Variants in USO1 observed in about 807,000 individuals in gnomAD.
USO1 encodes the protein USO1 vesicle transport factor.
In USO1, 57 loss-of-function variants were observed where a neutral mutation model predicts 124.5. The observed-to-expected ratio is 0.46, with a 90% confidence interval of 0.37 to 0.57. USO1 has a LOEUF of 0.57. Ranked by LOEUF, USO1 falls within the 20% of genes least tolerant of loss-of-function variation. The pLI, the probability that USO1 is intolerant of heterozygous loss-of-function variation, is 0.00. For synonymous variants in USO1, 369 were observed against 362.8 expected (o/e 1.02, Z -0.19); for missense variants, 900 against 1,040.6 (o/e 0.86, Z 1.86).
intron 4 of USO1, among the ~76,000 whole-genome samples, chr4:75,768,568 A>G (rs1268818430): frequency 1.3e-5 from 2 of 152,214 alleles, no homozygotes; most frequent in African/African-American, 4.8e-5. Context: ...ATAGACAAAC[A>G]TGTCATCTGT....
intron 14 of USO1, 84 bp downstream of exon 14, chr4:75,799,816 C>G (rs1428255598): frequency 1.4e-6 from 2 of 1,480,342 alleles, no homozygotes; most frequent in Non-Finnish European, 1.8e-6. Context: ...GTTCTATGCC[C>G]AAAATATTTG....
chr4:75,778,239 A>G (rs1386288535), intron 8 of USO1, among the ~76,000 whole-genome samples: 1 of 152,208 alleles, frequency 6.6e-6, no homozygotes, highest in Admixed American at 6.5e-5. Flanking sequence ...CCTTACCAAT[A>G]ACATAAGCAG....
At chr4:75,767,334 C>G (rs1178630737) in intron 4 of USO1, among the ~76,000 whole-genome samples, 2 of 152,172 alleles carry the variant, frequency 1.3e-5, no homozygotes, top group Admixed American at 6.6e-5. Flanking sequence ...TTAGATACCC[C>G]CTAACACATA....
intron 4 of USO1, among the ~76,000 whole-genome samples, chr4:75,758,536 C>G (rs1207315436): frequency 6.6e-6 from 1 of 152,148 alleles, no homozygotes; most frequent in African/African-American, 2.4e-5. Context: ...ACATCTGAAA[C>G]TGGATCATGT....
chr4:75,813,411 A>T lies in USO1; in HGVS notation c.*116A>T. 8.9e-7 allele frequency: 1 copy of T among 1,119,960 alleles called. No homozygotes were observed. Among genetic ancestry groups the T allele is most frequent in the East Asian group, 3.1e-5 (1 of 32,698 alleles). 69.4% of individuals were successfully genotyped at this position (1,119,960 alleles called of 1,614,324 possible). ...AGAAACCAGGTGGAAAACATTCACT[A>T]TTAAGACTATTGATATATTTTTGTA... On this transcript the variant is annotated 3_prime_UTR_variant, in exon 24 of 24. Coordinates refer to ENST00000514213, the MANE Select transcript of USO1 (RefSeq NM_003715.4).
At position 75,800,356 on chromosome 4, in the gene USO1, A is replaced by C; in HGVS notation, c.1569A>C (p.Thr523=). ...LHNSANVPFL[T]GQIAENLGEE... Reference sequence around the variant, plus strand: ...CTCCTTAACAAAGATTTCAGCTTACAGGACAAATTGCAGAAAATCTTGGAG... The same window carrying C: ...CTCCTTAACAAAGATTTCAGCTTACCGGACAAATTGCAGAAAATCTTGGAG... The change falls in exon 15 of 24, where the codon ACA becomes ACC. Residue 523 remains threonine (T), a synonymous_variant. Transcript: ENST00000514213. The C allele has an allele frequency of 1.3e-6, 2 of 1,586,950 alleles. No homozygotes were observed. The highest frequency in any genetic ancestry group is 1.7e-6 in the Non-Finnish European group (2 of 1,166,306).
chr4:75,792,935 T>C (rs911140579), intron 12 of USO1, among the ~76,000 whole-genome samples: 3 of 152,184 alleles, frequency 2.0e-5, no homozygotes, highest in African/African-American at 7.2e-5. Flanking sequence ...TTTTACCTTC[T>C]ACCATTGATG....
rs556010374 is a variant in USO1, at chr4:75,760,487, C to T, written c.295+2914C>T. On this transcript the variant is annotated intron_variant, in intron 4 of 23. Coordinates refer to ENST00000514213, the MANE Select transcript of USO1 (RefSeq NM_003715.4). ...TCTCTTCTTCCAAAGGATTATGTAGCTTATTAAACATTTTTAAGCTCCTAT... is the reference window on the plus strand; with the variant it reads ...TCTCTTCTTCCAAAGGATTATGTAGTTTATTAAACATTTTTAAGCTCCTAT... 1.7e-4 allele frequency: 63 copies of T among 380,306 alleles called. No individual in the cohort carries two copies. The South Asian group carries it at 1.7e-3, about 10-fold the overall frequency. The allele number at this position is 380,306 out of a possible 1,614,324, so 23.6% of individuals were successfully genotyped here.
At position 75,806,541 on chromosome 4, in the gene USO1, G is replaced by C. The variant is rs1723002343; in HGVS notation, c.2345G>C (p.Arg782Thr). The C allele has an allele frequency of 1.3e-6, 2 of 1,560,204 alleles. 1 individual carries two copies. The highest frequency in any genetic ancestry group is 3.8e-5 in the Admixed American group (2 of 52,178). ...NEQSSAIVSA[R>T]DSEQVAELKQ... ...CAGTCTTCAGCAATAGTTTCAGCTA[G>C]AGATTCTGAACAAGTTGCAGAATTA... Residue 782 changes from arginine to threonine, a missense_variant, in exon 20 of 24, where the codon AGA (arginine) becomes ACA (threonine). This residue lies in a region of USO1 where 362 missense variants were observed against 359.0 expected (regional missense o/e 1.01). Transcript: ENST00000514213.
chr4:75,743,837 C>T (rs531064688), intron 1 of USO1, among the ~76,000 whole-genome samples: 4 of 152,102 alleles, frequency 2.6e-5, no homozygotes, highest in Admixed American at 6.5e-5. Flanking sequence ...AGTGCAGTGG[C>T]GCGATCTTGG....
intron 22 of USO1, among the ~76,000 whole-genome samples, chr4:75,811,613 A>G (rs1723154328): frequency 6.6e-6 from 1 of 152,260 alleles, no homozygotes; most frequent in South Asian, 2.1e-4. Context: ...AGACATCAGA[A>G]TAAATAGCAT....
At chr4:75,754,893 T>C (rs1384021976) in intron 3 of USO1, among the ~76,000 whole-genome samples, 2 of 152,208 alleles carry the variant, frequency 1.3e-5, no homozygotes, top group Non-Finnish European at 2.9e-5. Flanking sequence ...CACCTCATAG[T>C]TTCTGTGGAT....
intron 4 of USO1, among the ~76,000 whole-genome samples, chr4:75,760,963 G>A (rs1577943537): frequency 1.3e-5 from 2 of 152,058 alleles, no homozygotes; most frequent in African/African-American, 2.4e-5. Context: ...CCTAGCCAGC[G>A]TGGTGAAACC....
At chr4:75,755,292 G>A (rs1577938944) in intron 3 of USO1, among the ~76,000 whole-genome samples, 1 of 152,190 alleles carries the variant, frequency 6.6e-6, no homozygotes, top group Non-Finnish European at 1.5e-5. Context: ...GAGATGAATC[G>A]AAAAGTTTTG....
chr4:75,758,192 A>G (rs1026626154), intron 4 of USO1, among the ~76,000 whole-genome samples: 3 of 152,166 alleles, frequency 2.0e-5, no homozygotes, highest in Non-Finnish European at 4.4e-5. Flanking sequence ...GGAAGTCTGT[A>G]TACATTTTGT....
chr4:75,779,369 G>A (rs925664008), intron 8 of USO1, among the ~76,000 whole-genome samples: 2 of 152,202 alleles, frequency 1.3e-5, no homozygotes, highest in African/African-American at 4.8e-5. Context: ...CTCTGCTGAA[G>A]ATACAGAGGA....
intron 13 of USO1, among the ~76,000 whole-genome samples, chr4:75,797,359 C>T (rs973247705): frequency 6.6e-6 from 1 of 151,854 alleles, no homozygotes; most frequent in African/African-American, 2.4e-5. Context: ...TTGTAACTCA[C>T]TGATAGTTGT....
At chr4:75,729,528 A>G (rs542380513) in intron 1 of USO1, among the ~76,000 whole-genome samples, 5 of 152,220 alleles carry the variant, frequency 3.3e-5, no homozygotes, top group African/African-American at 9.6e-5. Flanking sequence ...TTTAGTAGAG[A>G]CAGGGTTGCA....
chr4:75,770,351 A>G, intron 4 of USO1, 88 bp from the exon 5 acceptor site: 1 of 1,268,878 alleles, frequency 7.9e-7, no homozygotes, highest in East Asian at 2.6e-5. Context: ...TACCAGGAAA[A>G]TTATCATTCA....
Sources: gnomAD v4.1 joint callset for allele counts (sites outside exome capture counted in the v4.1 genomes callset) on GRCh38, gnomAD v4.1.1 for gene constraint, gnomAD v4.1.1 regional missense constraint, MANE v1.5 for transcripts, NCBI Gene and HGNC (gene_info 2026-07-23, HGNC 2026-07-21) for gene names.